The following CXCL5 variants were observed in gnomAD, a reference collection of about 807,000 sequenced individuals.
CXCL5 encodes the protein C-X-C motif chemokine 5.
Under a neutral mutation model 12.1 loss-of-function variants are expected in CXCL5, and 13 were observed. The observed-to-expected ratio is 1.08, with a 90% CI of 0.70 to 1.71. CXCL5 has a LOEUF of 1.71. CXCL5 is among the 40% of genes most tolerant of loss of function. CXCL5 has a pLI of 0.00. For missense variants in CXCL5, 159 were observed against 142.4 expected, an observed-to-expected ratio of 1.12 and a Z score of -0.59; for synonymous variants, 67 against 59.0, an observed-to-expected ratio of 1.14 and a Z score of -0.62.
chr4:73,998,300 C>G lies in CXCL5; in HGVS notation c.148G>C (p.Val50Leu). 6.2e-7 allele frequency: 1 copy of G among 1,614,216 alleles called. No individual in the cohort carries two copies. The highest frequency in any genetic ancestry group is 8.5e-7 in the Non-Finnish European group (1 of 1,180,036). The change falls in exon 2 of 4, where the codon GTT (valine) becomes CTT (leucine). Residue 50 changes from valine (V) to leucine (L), a missense_variant. Transcript: ENST00000296027. The stretch of plus-strand genomic sequence containing the variant: ...ACTCCTTGCGTGGTCTGTAAACAAA[C>G]GCAACGCAGCTCTCTCAACACAGCA... ...AAAVLRELRC[V>L]CLQTTQGVHP...
intron 3 of CXCL5, 144 bp from the exon 4 acceptor site, chr4:73,997,799 CTT>C: frequency 1.3e-6 from 1 of 774,180 alleles, no homozygotes; most frequent in Non-Finnish European, 2.1e-6. Flanking sequence ...AAAAACATAA[CTT>C]AGTGACAAGC....
rs1449482613 is a variant in CXCL5, at chr4:73,995,651, G to T, written c.*1986C>A. 2.0e-5 allele frequency: 3 copies of T among 151,816 alleles called. 1 individual carries two copies. Among genetic ancestry groups the T allele is most frequent in the Non-Finnish European group, 4.4e-5 (3 of 67,954 alleles). 9.4% of individuals were successfully genotyped at this position (151,816 alleles called of 1,614,324 possible). On this transcript the variant is annotated 3_prime_UTR_variant, in exon 4 of 4. Transcript: ENST00000296027. ...GGAGAAACAATATGAGTGAAGTTTAGAAATCTTTTAATGTTTATTCAAAGG... is the reference window on the plus strand; with the variant it reads ...GGAGAAACAATATGAGTGAAGTTTATAAATCTTTTAATGTTTATTCAAAGG...
rs200608132 is a variant in CXCL5 at position 73,998,269 on chromosome 4, G to T, written c.179C>A (p.Pro60His). ...CACTTGCAGATTACTGATCATTTTGGGATGAACTCCTTGCGTGGTCTGTAA... is the reference window on the plus strand; with the variant it reads ...CACTTGCAGATTACTGATCATTTTGTGATGAACTCCTTGCGTGGTCTGTAA... Reference protein sequence around the residue: ...VCLQTTQGVHPKMISNLQVFA... With the variant: ...VCLQTTQGVHHKMISNLQVFA... Residue 60 changes from proline (P) to histidine (H), a missense_variant, in exon 2 of 4, where the codon CCC becomes CAC. Physicochemically the swap from Pro to His is moderately conservative, Grantham distance 77 (BLOSUM62 -2). Coordinates refer to ENST00000296027, the MANE Select transcript of CXCL5 (RefSeq NM_002994.5). 6.2e-7 allele frequency: 1 copy of T among 1,614,030 alleles called. No individual in the cohort carries two copies. Among genetic ancestry groups the T allele is most frequent in the African/African-American group, 1.3e-5 (1 of 74,920 alleles).
Position 73,998,327 on chromosome 4 carries a change from C to A in CXCL5, c.121G>T (p.Ala41Ser), listed in dbSNP as rs193295351. The change falls in exon 2 of 4, where the codon GCT becomes TCT. Residue 41 changes from alanine (A) to serine (S), a missense_variant. Physicochemically the swap from Ala to Ser is moderately conservative, Grantham distance 99. Transcript: ENST00000296027. ...PGPIASAGPA[A>S]AVLRELRCVC... ...CAACGCAGCTCTCTCAACACAGCAG[C>A]GGCAGGACCAGCTGGGGAAGAAAGA... is the stretch of plus-strand genomic sequence containing the variant. The A allele has an allele frequency of 6.2e-7, 1 of 1,614,190 alleles. No individual in the cohort carries two copies. Among genetic ancestry groups the A allele is most frequent in the Non-Finnish European group, 8.5e-7 (1 of 1,180,040 alleles).
At chr4:73,997,718 T>C in intron 3 of CXCL5, 63 bp from the exon 4 acceptor site, 1 of 1,313,340 alleles carries the variant, frequency 7.6e-7, no homozygotes, top group Non-Finnish European at 1.1e-6. Flanking sequence ...TCCACCCTTG[T>C]CAAAACTCAG....
rs1001986761 is a variant in CXCL5 at position 73,998,665 on chromosome 4, T to A, written c.-84A>T. 6 of 1,203,592 alleles carry A rather than the reference T, an allele frequency of 5.0e-6. No homozygotes were observed. In the African/African-American group the frequency reaches 9.1e-5, roughly 18 times the overall value. 74.6% of individuals were successfully genotyped at this position (1,203,592 alleles called of 1,614,324 possible). Reference sequence around the variant, plus strand: ...GATTGGAGGAGCGAAGATTGGAGGATCCGGAGCACTGTGGCTTCCTCGTGC... The same window carrying A: ...GATTGGAGGAGCGAAGATTGGAGGAACCGGAGCACTGTGGCTTCCTCGTGC... On this transcript the variant is annotated 5_prime_UTR_variant, in exon 1 of 4. Coordinates refer to ENST00000296027, the MANE Select transcript of CXCL5 (RefSeq NM_002994.5).
chr4:73,998,151 C>G, intron 2 of CXCL5, 55 bp downstream of exon 2: 1 of 1,613,910 alleles, frequency 6.2e-7, no homozygotes, highest in Non-Finnish European at 8.5e-7. Context: ...AAGACCCAGG[C>G]TGCGGGATTT....
rs975812698 is a variant in CXCL5 at position 73,997,270 on chromosome 4, A to C, written c.*367T>G. ...GCCTTCTCAGTTAATATCTTAAGGA[A>C]TATTTCTTGGAAATATAATAGTCAC... On this transcript the variant is annotated 3_prime_UTR_variant, in exon 4 of 4. Coordinates refer to ENST00000296027, the MANE Select transcript of CXCL5 (RefSeq NM_002994.5). 5 of 203,644 alleles carry C rather than the reference A, an allele frequency of 2.5e-5. No homozygotes were observed. The highest frequency in any genetic ancestry group is 6.9e-5 in the African/African-American group (3 of 43,576). The allele number at this position is 203,644 out of a possible 1,614,324, so 12.6% of individuals were successfully genotyped here. A position where few individuals can be genotyped will look rare whatever the true frequency, so the allele number is the denominator to read the frequency against.
In CXCL5 at chr4:73,996,557, T is replaced by C. The variant is rs1451100440; in HGVS notation, c.*1080A>G. 6.6e-6 allele frequency: 1 copy of C among 152,572 alleles called. No homozygotes were observed. Among genetic ancestry groups the C allele is most frequent in the Non-Finnish European group, 1.5e-5 (1 of 68,036 alleles). 9.5% of individuals were successfully genotyped at this position (152,572 alleles called of 1,614,324 possible). A position where few individuals can be genotyped will look rare whatever the true frequency, so the allele number is the denominator to read the frequency against. On this transcript the variant is annotated 3_prime_UTR_variant, in exon 4 of 4. Coordinates refer to ENST00000296027, the MANE Select transcript of CXCL5 (RefSeq NM_002994.5). ...TAACCCATACAGAGGGATAAAAAAT[T>C]GACATCCCTTGGACAACTTCTCCTT...
At position 73,997,611 on chromosome 4, in the gene CXCL5, T is replaced by G; in HGVS notation, c.*26A>C. 6.2e-7 allele frequency: 1 copy of G among 1,601,602 alleles called. No homozygotes were observed. Among genetic ancestry groups the G allele is most frequent in the South Asian group, 1.1e-5 (1 of 89,604 alleles). On this transcript the variant is annotated 3_prime_UTR_variant, in exon 4 of 4. Coordinates refer to ENST00000296027, the MANE Select transcript of CXCL5 (RefSeq NM_002994.5). ...CTTCTCTGCTGAAGACTGGGAAACTTTTCCATGCGTGCTCATTTCTCTTAA... is the reference window on the plus strand; with the variant it reads ...CTTCTCTGCTGAAGACTGGGAAACTGTTCCATGCGTGCTCATTTCTCTTAA...
At position 73,997,122 on chromosome 4, in the gene CXCL5, A is replaced by G. The variant is rs1162676935; in HGVS notation, c.*515T>C. ...TAGTATCCCACAATCAAGAGTAAGG[A>G]AATTCTCTAACATATTCCCCAAGAA... On this transcript the variant is annotated 3_prime_UTR_variant, in exon 4 of 4. Transcript: ENST00000296027. 6.6e-6 allele frequency: 1 copy of G among 152,388 alleles called. No homozygotes were observed. The highest frequency in any genetic ancestry group is 1.5e-5 in the Non-Finnish European group (1 of 68,154). 9.4% of individuals were successfully genotyped at this position (152,388 alleles called of 1,614,324 possible).
chr4:73,997,755 G>T, intron 3 of CXCL5, 100 bp from the exon 4 acceptor site: 1 of 1,025,592 alleles, frequency 9.8e-7, no homozygotes, highest in Non-Finnish European at 1.4e-6. Context: ...TAAAAAAGGA[G>T]AATACAAAAA....
In CXCL5 at chr4:73,996,740, A is replaced by T. The variant is rs1190337200; in HGVS notation, c.*897T>A. The T allele has an allele frequency of 6.6e-6, 1 of 152,620 alleles. No individual in the cohort carries two copies. Among genetic ancestry groups the T allele is most frequent in the African/African-American group, 2.4e-5 (1 of 41,452 alleles). 9.5% of individuals were successfully genotyped at this position (152,620 alleles called of 1,614,324 possible). ...TTGAATACGTTTCCAAAACTTTCAG[A>T]GTACAAGTCATTGTTAAGTTTGCCT... On this transcript the variant is annotated 3_prime_UTR_variant, in exon 4 of 4. Coordinates refer to ENST00000296027, the MANE Select transcript of CXCL5 (RefSeq NM_002994.5).
chr4:73,998,131 A>C (rs759595586), intron 2 of CXCL5, 36 bp from the exon 3 acceptor site: 2 of 1,613,780 alleles, frequency 1.2e-6, no homozygotes, highest in Non-Finnish European at 1.7e-6. Context: ...CTCATGAGAT[A>C]CCAAGGTTGA....
chr4:73,998,477 G>T lies in CXCL5; in HGVS notation c.105C>A (p.Ala35=), dbSNP rs200999713. Residue 35 remains alanine, a synonymous_variant, in exon 1 of 4, where the codon GCC becomes GCA. Transcript: ENST00000296027. The stretch of plus-strand genomic sequence containing the variant: ...CCGCGCGCCATGCGCTCTCACCGCT[G>T]GCGATGGGCCCTGGCTGCGTCAGCA... ...LLLLTQPGPI[A]SAGPAAAVLR... is the part of the protein sequence containing the mutation. 30 of 1,603,738 alleles carry T rather than the reference G, an allele frequency of 1.9e-5. No homozygotes were observed. The highest frequency in any genetic ancestry group is 2.5e-5 in the Non-Finnish European group (29 of 1,174,788).
At chr4:73,998,133 C>A (rs1719238298) in intron 2 of CXCL5, 38 bp from the exon 3 acceptor site, 1 of 1,613,648 alleles carries the variant, frequency 6.2e-7, no homozygotes, top group Admixed American at 1.7e-5. Context: ...CATGAGATAC[C>A]AAGGTTGAAG....
Position 73,996,467 on chromosome 4 carries a change from CTTATATATAATT to C in CXCL5, c.*1158_*1169del, listed in dbSNP as rs1719195916. 6.6e-6 allele frequency: 1 copy of C among 152,586 alleles called. No individual in the cohort carries two copies. Among genetic ancestry groups the C allele is most frequent in the Admixed American group, 6.5e-5 (1 of 15,274 alleles). 9.5% of individuals were successfully genotyped at this position (152,586 alleles called of 1,614,324 possible). Reference sequence around the variant, plus strand: ...AGGGAACTTGCCCCAGCGTGGCCACCTTATATATAATTATATATTCTACCATAAATGCTGGCC... The same window carrying C: ...AGGGAACTTGCCCCAGCGTGGCCACCATATATTCTACCATAAATGCTGGCC... On this transcript the variant is annotated 3_prime_UTR_variant, in exon 4 of 4. Transcript: ENST00000296027.
rs1719221913 is a variant in CXCL5, at chr4:73,997,529, AAAC to A, written c.*105_*107del. On this transcript the variant is annotated 3_prime_UTR_variant, in exon 4 of 4. Coordinates refer to ENST00000296027, the MANE Select transcript of CXCL5 (RefSeq NM_002994.5). The stretch of plus-strand genomic sequence containing the variant: ...CTAACTACTGGAAAAACAAATAAAC[AAAC>A]AACAACAAAATCTTTCCTTCTTGTC... 1.2e-6 allele frequency: 1 copy of A among 864,244 alleles called. No homozygotes were observed. The highest frequency in any genetic ancestry group is 1.9e-6 in the Non-Finnish European group (1 of 538,342). The allele number at this position is 864,244 out of a possible 1,614,324, so 53.5% of individuals were successfully genotyped here.
chr4:73,997,974 T>A (rs1444779786), intron 3 of CXCL5, 38 bp downstream of exon 3: 1 of 1,527,348 alleles, frequency 6.5e-7, no homozygotes, highest in Non-Finnish European at 9.1e-7. Context: ...TCTCCCTAGA[T>A]CAGATTTAGA....
Sources: gnomAD v4.1 joint callset for allele counts on GRCh38, gnomAD v4.1.1 for gene constraint, MANE v1.5 for transcripts, NCBI Gene and HGNC (gene_info 2026-07-23, HGNC 2026-07-21) for gene names.